Variants in URB1 observed in about 807,000 individuals in gnomAD.
URB1 encodes the protein nucleolar pre-ribosomal-associated protein 1.
Under a neutral mutation model 242.3 loss-of-function variants are expected in URB1, and 197 were observed. The observed-to-expected ratio is 0.81, with a 90% CI of 0.72 to 0.91. The LOEUF (loss-of-function observed/expected upper bound fraction) is 0.91, where lower values mean the gene tolerates loss of function less well. Ranked by LOEUF, URB1 falls within the 40% of genes least tolerant of loss-of-function variation. The pLI, the probability that URB1 is intolerant of heterozygous loss-of-function variation, is 0.00. For missense variants in URB1, 2,721 were observed against 2,860.5 expected (o/e 0.95, Z 1.11); for synonymous variants, 1,153 against 1,201.8 (o/e 0.96, Z 0.84).
Position 32,354,031 on chromosome 21 carries a change from C to T in URB1, c.2318G>A (p.Ser773Asn). 3 of 1,551,764 alleles carry T rather than the reference C, an allele frequency of 1.9e-6. No individual in the cohort carries two copies. Among genetic ancestry groups the T allele is most frequent in the Non-Finnish European group, 2.6e-6 (3 of 1,147,012 alleles). Residue 773 changes from serine to asparagine, a missense_variant, in exon 18 of 39, where the codon AGT (serine) becomes AAT (asparagine). Physicochemically the swap from Ser to Asn is conservative, Grantham distance 46. Transcript: ENST00000382751. ...GAACGTGAGCAGGATCATGTCTTCA[C>T]TCAACGTGAACCCTATTTCCTCATC... is the stretch of plus-strand genomic sequence containing the variant. ...GLDEEIGFTL[S>N]EDMILLTFPF...
chr21:32,358,901 C>A (rs8129840), intron 14 of URB1, among the ~76,000 whole-genome samples: 2,692 of 152,232 alleles, frequency 0.018, 86 homozygotes, highest in African/African-American at 0.061. Context: ...CACACTGTGC[C>A]CAGCTGCCTT....
At chr21:32,373,887 C>T in intron 6 of URB1, 115 bp from the exon 7 acceptor site, 1 of 1,099,238 alleles carries the variant, frequency 9.1e-7, no homozygotes, top group Non-Finnish European at 1.2e-6. Flanking sequence ...ATAATGCTTG[C>T]TAGTGGCAGA....
chr21:32,379,258 G>A (rs970679909), intron 4 of URB1, among the ~76,000 whole-genome samples: 3 of 152,152 alleles, frequency 2.0e-5, no homozygotes, highest in Non-Finnish European at 2.9e-5. Context: ...ATCACTCCTC[G>A]TTTTGTATCT....
intron 37 of URB1, among the ~76,000 whole-genome samples, chr21:32,317,442 CATG>C (rs925002727): frequency 1.3e-5 from 2 of 152,134 alleles, no homozygotes; most frequent in African/African-American, 4.8e-5. Flanking sequence ...AGGTGAGCAC[CATG>C]ATACTAAGGT....
chr21:32,345,361 T>C lies in URB1; in HGVS notation c.4070+13A>G, dbSNP rs759394592. ...AGAGTGGAACATCCTGCAACCAACC[T>C]GAGCCTTCATACCTCTTGTGACTGC... On this transcript the variant is annotated intron_variant, in intron 23 of 38. Coordinates refer to ENST00000382751, the MANE Select transcript of URB1 (RefSeq NM_014825.3). 54 of 1,548,774 alleles carry C rather than the reference T, an allele frequency of 3.5e-5. 1 individual carries two copies. In the South Asian group the frequency reaches 6.0e-4, roughly 17 times the overall value.
At chr21:32,325,152 C>T (rs961813200) in intron 31 of URB1, 77 bp downstream of exon 31, 2 of 1,467,788 alleles carry the variant, frequency 1.4e-6, no homozygotes, top group Admixed American at 4.4e-5. Context: ...ATCCTTCTAC[C>T]AAACCGGGTG....
Position 32,366,642 on chromosome 21 carries a change from C to G in URB1, c.1311G>C (p.Lys437Asn), listed in dbSNP as rs1471525745. 1.3e-6 allele frequency: 2 copies of G among 1,551,374 alleles called. No homozygotes were observed. The highest frequency in any genetic ancestry group is 1.7e-6 in the Non-Finnish European group (2 of 1,146,840). ...CGTTTAATGCTTGGGTGAACATGCTCTTATTGCACACCAGGGGCACGGTGG... is the reference window on the plus strand; with the variant it reads ...CGTTTAATGCTTGGGTGAACATGCTGTTATTGCACACCAGGGGCACGGTGG... ...MVTTVPLVCN[K>N]SMFTQALNLD... The change falls in exon 10 of 39, where the codon AAG becomes AAC. Residue 437 changes from lysine (K) to asparagine (N), a missense_variant. Transcript: ENST00000382751.
At chr21:32,349,522 C>A in intron 20 of URB1, 39 bp from the exon 21 acceptor site, 2 of 1,501,776 alleles carry the variant, frequency 1.3e-6, no homozygotes, top group Non-Finnish European at 1.8e-6. Context: ...AGGGAAGAGA[C>A]GGGTTCACAG....
intron 24 of URB1, among the ~76,000 whole-genome samples, chr21:32,344,111 C>T (rs2033059075): frequency 6.6e-6 from 1 of 152,188 alleles, no homozygotes; most frequent in Non-Finnish European, 1.5e-5. Flanking sequence ...AGACCAAAGA[C>T]ATTGCAGGAA....
intron 25 of URB1, 74 bp downstream of exon 25, chr21:32,341,392 A>G: frequency 1.4e-6 from 2 of 1,430,208 alleles, no homozygotes; most frequent in Non-Finnish European, 1.9e-6. Context: ...ATAACAAGCT[A>G]TAAAAGAGGC....
In URB1 at chr21:32,372,533, G is replaced by A. The variant is rs773029005; in HGVS notation, c.975C>T (p.Tyr325=). 41 of 1,551,398 alleles carry A rather than the reference G, an allele frequency of 2.6e-5. No individual in the cohort carries two copies. In the African/African-American group the frequency reaches 3.6e-4, roughly 13 times the overall value. The change falls in exon 8 of 39, where the codon TAC becomes TAT. Residue 325 remains tyrosine (Y), a synonymous_variant. Coordinates refer to ENST00000382751, the MANE Select transcript of URB1 (RefSeq NM_014825.3). ...CCSLKHGINF[Y]DASLGTFGRG... is the part of the protein sequence containing the mutation. ...TGCCAAAGGTACCCAAAGATGCATC[G>A]TAAAAATTAATTCCATGCTTGAGTG... is the stretch of plus-strand genomic sequence containing the variant.
chr21:32,355,388 G>C (rs779218150), intron 16 of URB1, 61 bp downstream of exon 16: 1 of 1,465,874 alleles, frequency 6.8e-7, no homozygotes, highest in Non-Finnish European at 9.3e-7. Flanking sequence ...CCTCGATGAC[G>C]CTAAGAAGTT....
intron 15 of URB1, among the ~76,000 whole-genome samples, chr21:32,356,585 T>C (rs148882543): frequency 1.6e-4 from 24 of 152,240 alleles, no homozygotes; most frequent in African/African-American, 5.3e-4. Flanking sequence ...TGTATGAAAT[T>C]CTCCAAGGTC....
At chr21:32,326,180 T>C (rs141031726) in intron 30 of URB1, among the ~76,000 whole-genome samples, 1 of 152,320 alleles carries the variant, frequency 6.6e-6, no homozygotes, top group Non-Finnish European at 1.5e-5. Context: ...CAGGCTATTC[T>C]ACAAGATAAA....
At chr21:32,332,808 G>A (rs2032912093) in intron 30 of URB1, among the ~76,000 whole-genome samples, 6 of 152,036 alleles carry the variant, frequency 3.9e-5, no homozygotes, top group Admixed American at 3.9e-4. Context: ...AGCCTGGGAA[G>A]ATCAATCTCA....
Position 32,347,140 on chromosome 21 carries a change from C to CTG in URB1, c.3682_3683dup (p.Gln1228HisfsTer72). 6.5e-7 allele frequency: 1 copy of CTG among 1,549,060 alleles called. No homozygotes were observed. The highest frequency in any genetic ancestry group is 8.7e-7 in the Non-Finnish European group (1 of 1,146,256). ...GCAGGGCAGCGATGCTGAGGGCCGC[C>CTG]TGTGTGCGCCGGGCCAGGCAGTAGT... On this transcript the variant is annotated frameshift_variant, in exon 22 of 39. Coordinates refer to ENST00000382751, the MANE Select transcript of URB1 (RefSeq NM_014825.3). LOFTEE classifies it high-confidence loss of function.
rs544112573 is a variant in URB1, at chr21:32,363,035, C to T, written c.1509+121G>A. On this transcript the variant is annotated intron_variant, in intron 11 of 38. Transcript: ENST00000382751. ...GCACCCACGCTACCACACTGCCCACCGGCCTGTCCAACCCTGCGGCTCCAA... is the reference window on the plus strand; with the variant it reads ...GCACCCACGCTACCACACTGCCCACTGGCCTGTCCAACCCTGCGGCTCCAA... 282 of 1,297,548 alleles carry T rather than the reference C, an allele frequency of 2.2e-4. 4 individuals are homozygous for T. The South Asian group carries it at 3.9e-3, about 18-fold the overall frequency. 80.4% of individuals were successfully genotyped at this position (1,297,548 alleles called of 1,614,324 possible). A position where few individuals can be genotyped will look rare whatever the true frequency, so the allele number is the denominator to read the frequency against.
At position 32,316,484 on chromosome 21, in the gene URB1, TCTCA is replaced by T. The variant is rs1325512842; in HGVS notation, c.6612_6615del (p.Ser2204ArgfsTer13). Reference sequence around the variant, plus strand: ...GCCTTACCTTGTGTGGCTTCATCCTTCTCACTCAGAGAAGACAGGGAGAGGGCTT... The same window carrying T: ...GCCTTACCTTGTGTGGCTTCATCCTTCTCAGAGAAGACAGGGAGAGGGCTT... On this transcript the variant is annotated frameshift_variant, in exon 38 of 39. Transcript: ENST00000382751. LOFTEE classifies it low-confidence loss of function (END_TRUNC). 1 of 1,531,292 alleles carries T rather than the reference TCTCA, an allele frequency of 6.5e-7. No individual in the cohort carries two copies. The highest frequency in any genetic ancestry group is 8.8e-7 in the Non-Finnish European group (1 of 1,138,356). The allele number at this position is 1,531,292 out of a possible 1,614,324, so 94.9% of individuals were successfully genotyped here.
At chr21:32,337,633 C>G in intron 26 of URB1, 119 bp from the exon 27 acceptor site, 1 of 731,012 alleles carries the variant, frequency 1.4e-6, no homozygotes, top group Middle Eastern at 2.5e-4. Flanking sequence ...CTGAATAATA[C>G]TGGTGTTTGG....
Sources: gnomAD v4.1 joint callset for allele counts (sites outside exome capture counted in the v4.1 genomes callset) on GRCh38, gnomAD v4.1.1 for gene constraint, MANE v1.5 for transcripts, NCBI Gene and HGNC (gene_info 2026-07-23, HGNC 2026-07-21) for gene names.